Variants in NCKAP5 observed in about 807,000 individuals in gnomAD.
NCKAP5 encodes the protein nck-associated protein 5.
A neutral mutation model predicts 167.0 loss-of-function variants in NCKAP5; 92 were observed. The observed-to-expected ratio is 0.55, with a 90% CI of 0.47 to 0.66. The LOEUF (loss-of-function observed/expected upper bound fraction) is 0.66, where lower values mean the gene tolerates loss of function less well. Ranked by LOEUF, NCKAP5 falls within the 30% of genes least tolerant of loss-of-function variation. NCKAP5 has a pLI of 0.00. For missense variants in NCKAP5, 2,378 were observed against 2,315.0 expected (o/e 1.03, Z -0.56); for synonymous variants, 891 against 877.4 (o/e 1.02, Z -0.27).
intron 8 of NCKAP5, among the ~76,000 whole-genome samples, chr2:132,932,538 C>A (rs773649566): frequency 1.3e-5 from 2 of 152,138 alleles, no homozygotes; most frequent in Admixed American, 6.5e-5. Flanking sequence ...TTTGGTAACA[C>A]CAATGGCACT....
At chr2:133,145,223 T>C (rs2083145450) in intron 5 of NCKAP5, among the ~76,000 whole-genome samples, 1 of 152,024 alleles carries the variant, frequency 6.6e-6, no homozygotes, top group Non-Finnish European at 1.5e-5. Context: ...AAAAAATCTA[T>C]CTCCCTCTCT....
intron 11 of NCKAP5, among the ~76,000 whole-genome samples, chr2:132,817,903 C>A (rs898651033): frequency 6.6e-6 from 1 of 152,176 alleles, no homozygotes; most frequent in African/African-American, 2.4e-5. Flanking sequence ...AAATATAAAT[C>A]AAATTTATCC....
intron 19 of NCKAP5, among the ~76,000 whole-genome samples, chr2:132,689,839 C>T (rs867555806): frequency 6.6e-6 from 1 of 152,126 alleles, no homozygotes; most frequent in South Asian, 2.1e-4. Flanking sequence ...TTAAATCTAG[C>T]TAGCTATATA....
chr2:132,860,893 C>T (rs1465145212), intron 10 of NCKAP5, among the ~76,000 whole-genome samples: 1 of 152,130 alleles, frequency 6.6e-6, no homozygotes, highest in African/African-American at 2.4e-5. Context: ...GATATGAAGT[C>T]AATTTAAGTT....
chr2:133,348,748 A>G (rs1006952805), intron 3 of NCKAP5, among the ~76,000 whole-genome samples: 1 of 152,210 alleles, frequency 6.6e-6, no homozygotes, highest in Non-Finnish European at 1.5e-5. Flanking sequence ...GATGGTTAAT[A>G]AGTGAAGGAC....
At chr2:133,185,910 G>C (rs1178942989) in intron 5 of NCKAP5, among the ~76,000 whole-genome samples, 1 of 152,120 alleles carries the variant, frequency 6.6e-6, no homozygotes, top group Non-Finnish European at 1.5e-5. Flanking sequence ...AGTGAAGAGA[G>C]ATAGTTTGAC....
intron 16 of NCKAP5, among the ~76,000 whole-genome samples, chr2:132,756,601 C>A (rs1047113714): frequency 2.0e-5 from 3 of 151,812 alleles, no homozygotes; most frequent in African/African-American, 7.3e-5. Context: ...AAAATAAGTT[C>A]TTTTAAAAAA....
the NCKAP5 span, among the ~76,000 whole-genome samples, chr2:133,660,695 TTG>T: frequency 0.073 from 11,048 of 152,136 alleles, 456 homozygotes; most frequent in African/African-American, 0.093. Flanking sequence ...GGACGAAACA[TTG>T]TGTGAGTCAG....
chr2:133,225,779 CTTTTTTTTT>C (rs1003972708), intron 4 of NCKAP5, among the ~76,000 whole-genome samples: 999 of 39,722 alleles, frequency 0.025, 23 homozygotes, highest in African/African-American at 0.086. Context: ...ATGCCCTGTT[CTTTTTTTTT>C]TTTTTTTTTT....
chr2:132,980,729 A>G (rs923901421), intron 7 of NCKAP5, among the ~76,000 whole-genome samples: 15 of 152,146 alleles, frequency 9.9e-5, no homozygotes, highest in South Asian at 4.2e-4. Flanking sequence ...TACTGTGTCA[A>G]TTTTCACTAC....
chr2:133,327,835 T>C (rs544112904), intron 3 of NCKAP5, among the ~76,000 whole-genome samples: 61 of 152,268 alleles, frequency 4.0e-4, no homozygotes, highest in African/African-American at 1.4e-3. Flanking sequence ...CCAGTGCTTC[T>C]CAGTGGGGGA....
intron 19 of NCKAP5, among the ~76,000 whole-genome samples, chr2:132,692,892 G>A (rs1686907873): frequency 6.6e-6 from 1 of 152,154 alleles, no homozygotes; most frequent in Non-Finnish European, 1.5e-5. Flanking sequence ...TGGTACCTAT[G>A]TTCAGTGCAC....
intron 3 of NCKAP5, among the ~76,000 whole-genome samples, chr2:133,326,458 C>CAAAAAAAAAAAAAAAAAAAAAA (rs34750625): frequency 2.0e-5 from 1 of 48,980 alleles, no homozygotes; most frequent in African/African-American, 6.7e-5. Flanking sequence ...TCAGTCTCAA[C>CAAAAAAAAAAAAAAAAAAAAAA]AAAAAAAAAA....
chr2:132,732,627 T>C (rs1309839430), intron 16 of NCKAP5, among the ~76,000 whole-genome samples: 1 of 152,160 alleles, frequency 6.6e-6, no homozygotes, highest in Non-Finnish European at 1.5e-5. Flanking sequence ...AAAGGAACAG[T>C]CATTAGAGAC....
intron 2 of NCKAP5, among the ~76,000 whole-genome samples, chr2:133,548,394 C>T (rs1442182121): frequency 6.6e-6 from 1 of 151,750 alleles, no homozygotes; most frequent in African/African-American, 2.4e-5. Context: ...AAAGATACTC[C>T]TCGAGAAGAG....
intron 11 of NCKAP5, among the ~76,000 whole-genome samples, chr2:132,810,712 C>T (rs1416473544): frequency 6.6e-6 from 1 of 152,128 alleles, no homozygotes; most frequent in Non-Finnish European, 1.5e-5. Flanking sequence ...GTGGACTTCG[C>T]CTTCTCTGAT....
chr2:132,791,560 G>A (rs141137431), intron 12 of NCKAP5, among the ~76,000 whole-genome samples: 8 of 152,218 alleles, frequency 5.3e-5, no homozygotes, highest in East Asian at 1.9e-4. Context: ...CTCTATTGCC[G>A]TCTAATTCCA....
intron 18 of NCKAP5, among the ~76,000 whole-genome samples, chr2:132,727,106 A>G (rs1408416202): frequency 6.6e-6 from 1 of 152,180 alleles, no homozygotes; most frequent in Non-Finnish European, 1.5e-5. Flanking sequence ...TTTCCAGTGC[A>G]TGGGGCTAGT....
intron 6 of NCKAP5, among the ~76,000 whole-genome samples, chr2:133,007,162 A>G (rs1463551554): frequency 6.6e-6 from 1 of 152,230 alleles, no homozygotes; most frequent in Non-Finnish European, 1.5e-5. Context: ...AACTTAGGAC[A>G]GATCACATTT....
Sources: gnomAD v4.1 joint callset for allele counts (sites outside exome capture counted in the v4.1 genomes callset) on GRCh38, gnomAD v4.1.1 for gene constraint, MANE v1.5 for transcripts, NCBI Gene and HGNC (gene_info 2026-07-23, HGNC 2026-07-21) for gene names.